The following RTN2 variants were observed in gnomAD, a reference collection of about 807,000 sequenced individuals.
RTN2 encodes reticulon-2.
In RTN2, 36 loss-of-function variants were observed where a neutral mutation model predicts 63.7. The observed-to-expected ratio is 0.56, with a 90% CI of 0.43 to 0.75. The LOEUF is 0.75. Ranked by LOEUF, RTN2 falls within the 30% of genes least tolerant of loss-of-function variation. RTN2 has a pLI of 0.00. For synonymous variants in RTN2, 312 were observed against 313.0 expected (o/e 1.00, Z 0.03); for missense variants, 673 against 705.1 (o/e 0.95, Z 0.52).
Position 45,496,822 on chromosome 19 carries a change from C to A in RTN2, c.4G>T (p.Gly2Trp). Residue 2 changes from glycine to tryptophan, a missense_variant, in exon 1 of 11, where the codon GGG (glycine) becomes TGG (tryptophan). By Grantham distance (184) the Gly-to-Trp change is radical. Transcript: ENST00000245923. M[G>W]QVLPVFAHCK... ...TGGGCGAAGACCGGCAGGACCTGCC[C>A]CATGGCCCCCCTCGGGCCTGCATCG... 1 of 1,511,974 alleles carries A rather than the reference C, an allele frequency of 6.6e-7. No homozygotes were observed. The highest frequency in any genetic ancestry group is 1.4e-5 in the African/African-American group (1 of 70,386). The allele number at this position is 1,511,974 out of a possible 1,614,324, so 93.7% of individuals were successfully genotyped here. A position where few individuals can be genotyped will look rare whatever the true frequency, so the allele number is the denominator to read the frequency against.
chr19:45,486,173 A>G (rs1157698175), intron 9 of RTN2, 60 bp from the exon 10 acceptor site: 4 of 1,485,950 alleles, frequency 2.7e-6, no homozygotes, highest in African/African-American at 2.8e-5. Context: ...CTTTAGTCAC[A>G]TAGGAGGCTG....
chr19:45,495,031 T>G, intron 2 of RTN2, 26 bp from the exon 3 acceptor site: 1 of 1,614,118 alleles, frequency 6.2e-7, no homozygotes. Context: ...GAGAGCCTTG[T>G]TTCCCTCAGC....
intron 10 of RTN2, 49 bp downstream of exon 10, chr19:45,486,006 C>T: frequency 6.3e-7 from 1 of 1,575,744 alleles, no homozygotes. Flanking sequence ...GAAAGGTTCC[C>T]AAGCTCCCCC....
chr19:45,486,226 C>T, intron 9 of RTN2, 113 bp from the exon 10 acceptor site: 1 of 815,738 alleles, frequency 1.2e-6, no homozygotes, highest in Non-Finnish European at 2.1e-6. Context: ...AAGAGTGGCC[C>T]ACCACGCCAC....
intron 5 of RTN2, among the ~76,000 whole-genome samples, chr19:45,490,535 C>CTCTGTGTGTGTGTG (rs1555797721): frequency 6.9e-6 from 1 of 145,766 alleles, no homozygotes; most frequent in Non-Finnish European, 1.5e-5. Flanking sequence ...GGTTGTGTGT[C>CTCTGTGTGTGTGTG]TGTGTGTGTG....
Position 45,494,457 on chromosome 19 carries a change from C to G in RTN2, c.560-37G>C. The stretch of plus-strand genomic sequence containing the variant: ...GAGAGAGGAGGCCGTGAGCTTTCTT[C>G]TTGGAGGTGCCCCAAGGAGAAACCA... On this transcript the variant is annotated intron_variant, in intron 3 of 10. Coordinates refer to ENST00000245923, the MANE Select transcript of RTN2 (RefSeq NM_005619.5). The surrounding 1 kb of genome is among the most constrained non-coding windows in gnomAD (Gnocchi z 5.3). The G allele has an allele frequency of 1.2e-6, 2 of 1,603,606 alleles. No individual in the cohort carries two copies. The highest frequency in any genetic ancestry group is 1.7e-6 in the Non-Finnish European group (2 of 1,173,128).
chr19:45,489,656 T>C, intron 5 of RTN2, 103 bp from the exon 6 acceptor site: 2 of 760,446 alleles, frequency 2.6e-6, no homozygotes, highest in Non-Finnish European at 4.3e-6. Context: ...GACACACCTG[T>C]TTGAGCATAA....
intron 7 of RTN2, 28 bp from the exon 8 acceptor site, chr19:45,488,734 GC>G: frequency 6.2e-7 from 1 of 1,609,700 alleles, no homozygotes; most frequent in Non-Finnish European, 8.5e-7. Flanking sequence ...GGTCAGCAGA[GC>G]CCACCGGGAA....
chr19:45,485,631 G>A lies in RTN2; in HGVS notation c.*77C>T. 4 of 1,201,538 alleles carry A rather than the reference G, an allele frequency of 3.3e-6. No homozygotes were observed. Among genetic ancestry groups the A allele is most frequent in the Non-Finnish European group, 4.9e-6 (4 of 817,616 alleles). The allele number at this position is 1,201,538 out of a possible 1,614,324, so 74.4% of individuals were successfully genotyped here. A position where few individuals can be genotyped will look rare whatever the true frequency, so the allele number is the denominator to read the frequency against. ...CTCGGGCCGAGGAGGGGGGTGGGTG[G>A]GAACGGACAAGAGATGGAGGGGGCC... On this transcript the variant is annotated 3_prime_UTR_variant, in exon 11 of 11. Coordinates refer to ENST00000245923, the MANE Select transcript of RTN2 (RefSeq NM_005619.5).
intron 10 of RTN2, 88 bp downstream of exon 10, chr19:45,485,967 G>A: frequency 7.3e-7 from 1 of 1,377,416 alleles, no homozygotes. Flanking sequence ...CATTACCCCA[G>A]GAGATTTGCG....
Position 45,494,206 on chromosome 19 carries a change from G to T in RTN2, c.774C>A (p.Ser258Arg). The T allele has an allele frequency of 6.2e-7, 1 of 1,607,874 alleles. No individual in the cohort carries two copies. Among genetic ancestry groups the T allele is most frequent in the Non-Finnish European group, 8.5e-7 (1 of 1,179,962 alleles). The part of the protein sequence containing the change: ...REPVRGQCLD[S>R]TDQLEFTVEP... ...CCACCGTGAATTCTAATTGGTCCGT[G>T]CTATCGAGGCACTGTCCCCTTACTG... The change falls in exon 4 of 11, where the codon AGC becomes AGA. Residue 258 changes from serine (S) to arginine (R), a missense_variant. Physicochemically the swap from Ser to Arg is moderately radical, Grantham distance 110 (BLOSUM62 -1). Coordinates refer to ENST00000245923, the MANE Select transcript of RTN2 (RefSeq NM_005619.5). The surrounding 1 kb of genome is among the most constrained non-coding windows in gnomAD (Gnocchi z 5.3).
intron 5 of RTN2, among the ~76,000 whole-genome samples, chr19:45,491,985 A>T (rs1466266114): frequency 6.6e-6 from 1 of 152,072 alleles, no homozygotes; most frequent in Non-Finnish European, 1.5e-5. Flanking sequence ...TAAGACCATA[A>T]CAGTTCTTAT....
chr19:45,485,428 G>T lies in RTN2; in HGVS notation c.*280C>A, dbSNP rs1967996127. ...CACGGCGCCTCCAGCGGCGGGTCCG[G>T]AAGTGCAGGGTGGTGCCCTGTCTAG... On this transcript the variant is annotated 3_prime_UTR_variant, in exon 11 of 11. Coordinates refer to ENST00000245923, the MANE Select transcript of RTN2 (RefSeq NM_005619.5). The T allele has an allele frequency of 2.2e-6, 1 of 450,316 alleles. No individual in the cohort carries two copies. The highest frequency in any genetic ancestry group is 3.7e-5 in the East Asian group (1 of 27,370). The allele number at this position is 450,316 out of a possible 1,614,324, so 27.9% of individuals were successfully genotyped here. A position where few individuals can be genotyped will look rare whatever the true frequency, so the allele number is the denominator to read the frequency against.
chr19:45,487,942 CAA>C (rs1310199487), intron 9 of RTN2, among the ~76,000 whole-genome samples: 27 of 67,348 alleles, frequency 4.0e-4, no homozygotes, highest in South Asian at 1.5e-3. Flanking sequence ...GACTCCATCT[CAA>C]AAAAAAAAAA....
chr19:45,494,158 T>G lies in RTN2; in HGVS notation c.814+8A>C. On this transcript the variant is annotated splice_region_variant and intron_variant, in intron 4 of 10. Coordinates refer to ENST00000245923, the MANE Select transcript of RTN2 (RefSeq NM_005619.5). This position sits in a 1 kb window ranked among gnomAD's most constrained non-coding sequence, Gnocchi z 5.3. Reference sequence around the variant, plus strand: ...GGCCAATGCAGCATCTTCATACACGTTGCTTACCTAGAAGGCGTGGCTCCA... The same window carrying G: ...GGCCAATGCAGCATCTTCATACACGGTGCTTACCTAGAAGGCGTGGCTCCA... 2 of 1,600,368 alleles carry G rather than the reference T, an allele frequency of 1.2e-6. No individual in the cohort carries two copies. Among genetic ancestry groups the G allele is most frequent in the Non-Finnish European group, 1.7e-6 (2 of 1,179,612 alleles).
chr19:45,486,259 A>AC, intron 9 of RTN2, 146 bp from the exon 10 acceptor site: 5 of 669,962 alleles, frequency 7.5e-6, no homozygotes, highest in Non-Finnish European at 1.3e-5. Flanking sequence ...ACTTCATAGA[A>AC]TACATTAGAT....
chr19:45,488,694 AGAG>A lies in RTN2; in HGVS notation c.1390_1392del (p.Leu464del), dbSNP rs773281011. 1 of 1,613,836 alleles carries A rather than the reference AGAG, an allele frequency of 6.2e-7. No individual in the cohort carries two copies. Among genetic ancestry groups the A allele is most frequent in the Admixed American group, 1.7e-5 (1 of 59,954 alleles). On this transcript the variant is annotated inframe_deletion, in exon 8 of 11. Coordinates refer to ENST00000245923, the MANE Select transcript of RTN2 (RefSeq NM_005619.5). ...GCACCCACGAAGGTCAAGATGTAGA[AGAG>A]GAGGGCCAGCTGGGGGTGAAGGTCA... is the stretch of plus-strand genomic sequence containing the variant.
chr19:45,488,137 C>T (rs1968068157), intron 9 of RTN2, among the ~76,000 whole-genome samples: 1 of 151,952 alleles, frequency 6.6e-6, no homozygotes. Context: ...GCCTGTAATC[C>T]CAGCTACTCA....
In RTN2 at chr19:45,494,252, C is replaced by T; in HGVS notation, c.728G>A (p.Trp243Ter). The T allele has an allele frequency of 1.2e-6, 2 of 1,613,450 alleles. No individual in the cohort carries two copies. Among genetic ancestry groups the T allele is most frequent in the Non-Finnish European group, 1.7e-6 (2 of 1,180,018 alleles). ...EPLLEEEEKQ[W>*]GPLEREPVRG... ...TACTGGCTCTCGCTCCAGTGGCCCC[C>T]ACTGCTTTTCTTCCTCTTCCAGCAA... is the stretch of plus-strand genomic sequence containing the variant. The change falls in exon 4 of 11, where the codon TGG (tryptophan) becomes TAG (stop). Residue 243 changes from tryptophan (W) to a stop codon, truncating the protein, a stop_gained. Coordinates refer to ENST00000245923, the MANE Select transcript of RTN2 (RefSeq NM_005619.5). LOFTEE classifies it high-confidence loss of function. The surrounding 1 kb of genome is among the most constrained non-coding windows in gnomAD (Gnocchi z 5.3).
Sources: allele counts gnomAD v4.1 joint callset (sites outside exome capture counted in the v4.1 genomes callset), GRCh38; gene constraint gnomAD v4.1.1; non-coding constraint Gnocchi (gnomAD v3.1); transcripts MANE v1.5; gene names NCBI Gene and HGNC (gene_info 2026-07-23, HGNC 2026-07-21).